CPM: variants seen among roughly 807,000 people sequenced by gnomAD.
CPM encodes the protein renal carboxypeptidase.
CPM carries 35 observed loss-of-function variants against 46.4 expected under a neutral mutation model. The observed-to-expected ratio is 0.75, with a 90% CI of 0.58 to 1.00. The LOEUF (loss-of-function observed/expected upper bound fraction) is 1.00. Ranked by LOEUF, CPM falls within the 50% of genes least tolerant of loss-of-function variation. The pLI is 0.00. For missense variants in CPM, 422 were observed against 530.4 expected, an observed-to-expected ratio of 0.80 and a Z score of 2.01; for synonymous variants, 195 against 195.3, an observed-to-expected ratio of 1.00 and a Z score of 0.01.
chr12:68,961,374 G>A (rs1889108508), intron 1 of CPM, among the ~76,000 whole-genome samples: 1 of 152,118 alleles, frequency 6.6e-6, no homozygotes, highest in African/African-American at 2.4e-5. Context: ...TGAACTCCTG[G>A]GCTCGAGTGG....
chr12:68,905,299 T>A (rs1179475424), intron 2 of CPM, among the ~76,000 whole-genome samples: 1 of 151,848 alleles, frequency 6.6e-6, no homozygotes, highest in African/African-American at 2.4e-5. Flanking sequence ...TCTCTTTTTT[T>A]AAACAGGGTC....
At chr12:68,892,491 G>C (rs975587173) in intron 2 of CPM, among the ~76,000 whole-genome samples, 4 of 152,188 alleles carry the variant, frequency 2.6e-5, no homozygotes, top group African/African-American at 9.7e-5. Flanking sequence ...TGGAGTAGCT[G>C]CACTTCTGGG....
intron 2 of CPM, among the ~76,000 whole-genome samples, chr12:68,900,999 T>C (rs938858122): frequency 6.6e-6 from 1 of 152,210 alleles, no homozygotes; most frequent in Non-Finnish European, 1.5e-5. Flanking sequence ...TTGTAACAAA[T>C]GTACCACTCT....
In CPM at chr12:68,853,019, C is replaced by G. The variant is rs1009485413; in HGVS notation, c.*3418G>C. ...GGGGAAAAGCCGGAAAGGCGTTGGG[C>G]AGGGAGGTGGCTTGGGTACCTGGTT... On this transcript the variant is annotated 3_prime_UTR_variant, in exon 9 of 9. Transcript: ENST00000551568. 1.3e-5 allele frequency: 2 copies of G among 152,298 alleles called. No homozygotes were observed. Among genetic ancestry groups the G allele is most frequent in the Non-Finnish European group, 2.9e-5 (2 of 68,048 alleles). The allele number at this position is 152,298 out of a possible 1,614,324, so 9.4% of individuals were successfully genotyped here. A position where few individuals can be genotyped will look rare whatever the true frequency, so the allele number is the denominator to read the frequency against.
At chr12:68,893,194 G>A (rs1481582873) in intron 2 of CPM, among the ~76,000 whole-genome samples, 1 of 149,578 alleles carries the variant, frequency 6.7e-6, no homozygotes, top group Non-Finnish European at 1.5e-5. Flanking sequence ...GCAAGGGAAG[G>A]AAAGACGTGG....
At chr12:68,848,925 C>G (rs1053500543), downstream of CPM, 1 of 152,050 alleles carries the variant, frequency 6.6e-6, no homozygotes, top group African/African-American at 2.4e-5. Context: ...ATTGGCCAGG[C>G]TGGTCTCGAA....
rs141009230 is a variant in CPM at position 68,858,798 on chromosome 12, CCTTT to C, written c.1089+121_1089+124del. 2.3e-3 allele frequency: 1,074 copies of C among 472,752 alleles called. 11 individuals carry two copies. The highest frequency in any genetic ancestry group is 0.02 in the African/African-American group (995 of 49,128). 29.3% of individuals were successfully genotyped at this position (472,752 alleles called of 1,614,324 possible). On this transcript the variant is annotated intron_variant, in intron 8 of 8. Transcript: ENST00000551568. ...CTGCCAATTGCAAGTCTGACACTAT[CCTTT>C]CTTTCTGTCTCGATGGATCTACTTT...
chr12:68,908,293 A>C (rs757859243), intron 2 of CPM, among the ~76,000 whole-genome samples: 1 of 152,134 alleles, frequency 6.6e-6, no homozygotes, highest in Non-Finnish European at 1.5e-5. Flanking sequence ...TGTATTTCCT[A>C]AGGTGCTGTA....
At chr12:68,879,601 G>A (rs1886101780) in intron 3 of CPM, among the ~76,000 whole-genome samples, 2 of 152,062 alleles carry the variant, frequency 1.3e-5, no homozygotes, top group Admixed American at 6.6e-5. Flanking sequence ...CTGGCCTCAA[G>A]CAATCTCCCC....
At chr12:68,929,654 AT>A (rs1888422675) in intron 2 of CPM, among the ~76,000 whole-genome samples, 1 of 152,238 alleles carries the variant, frequency 6.6e-6, no homozygotes, top group Non-Finnish European at 1.5e-5. Flanking sequence ...AAAATCACCA[AT>A]AATAATAGAA....
Position 68,932,823 on chromosome 12 carries a change from G to T in CPM, c.15C>A (p.Cys5Ter). The T allele has an allele frequency of 6.2e-7, 1 of 1,614,072 alleles. No homozygotes were observed. Among genetic ancestry groups the T allele is most frequent in the Non-Finnish European group, 8.5e-7 (1 of 1,179,978 alleles). The change falls in exon 2 of 9, where the codon TGC becomes TGA. Residue 5 changes from cysteine (C) to a stop codon, truncating the protein, a stop_gained. Transcript: ENST00000551568. LOFTEE classifies it high-confidence loss of function. ...AAGGCAGCAACAGCCCTAGCCAGAGGCACGGGAAGTCCATGTTCTAGAGAT... is the reference window on the plus strand; with the variant it reads ...AAGGCAGCAACAGCCCTAGCCAGAGTCACGGGAAGTCCATGTTCTAGAGAT... MDFP[C>*]LWLGLLLPLV...
chr12:68,864,981 C>T (rs567530003), intron 7 of CPM, among the ~76,000 whole-genome samples: 5 of 152,248 alleles, frequency 3.3e-5, no homozygotes, highest in African/African-American at 1.2e-4. Flanking sequence ...TGCCACTGTA[C>T]TCCAGCCTGG....
intron 2 of CPM, among the ~76,000 whole-genome samples, chr12:68,910,165 G>A (rs891216597): frequency 2.0e-5 from 3 of 151,910 alleles, no homozygotes; most frequent in Non-Finnish European, 4.4e-5. Flanking sequence ...AGCATTCTTC[G>A]AAATATCTAA....
At chr12:68,843,361 AATG>A (rs1003700415) in intron 5 of CPM, 1 of 231,206 alleles carries the variant, frequency 4.3e-6, no homozygotes, top group African/African-American at 2.2e-5. Flanking sequence ...GCTACAAATA[AATG>A]ATATTTGAGC....
intron 2 of CPM, among the ~76,000 whole-genome samples, chr12:68,893,903 C>G (rs2197401): frequency 0.041 from 6,182 of 152,228 alleles, 442 homozygotes; most frequent in African/African-American, 0.14. Context: ...TCTCTCTGGC[C>G]AACCTCTTTG....
chr12:68,938,782 A>G (rs1888711270), intron 1 of CPM, among the ~76,000 whole-genome samples: 1 of 151,552 alleles, frequency 6.6e-6, no homozygotes, highest in Non-Finnish European at 1.5e-5. Context: ...CAGTTCAAAG[A>G]AAGACATGAG....
rs760907426 is a variant in CPM at position 68,886,791 on chromosome 12, C to T, written c.161-902G>A. On this transcript the variant is annotated intron_variant, in intron 2 of 8. Coordinates refer to ENST00000551568, the MANE Select transcript of CPM (RefSeq NM_198320.5). ...TGAGTCCTGTCAGGTGAACTGGGAA[C>T]CACAACCCAAAGAAAGCGTCTAAGT... is the stretch of plus-strand genomic sequence containing the variant. 6.9e-4 allele frequency among the ~76,000 whole-genome samples: 105 copies of T among 152,174 alleles called. 1 individual carries two copies. Among genetic ancestry groups the T allele is most frequent in the Non-Finnish European group, 1.3e-3 (91 of 68,022 alleles).
chr12:68,923,697 G>A (rs1888133335), intron 2 of CPM, among the ~76,000 whole-genome samples: 1 of 152,106 alleles, frequency 6.6e-6, no homozygotes, highest in African/African-American at 2.4e-5. Context: ...GCAATAACTT[G>A]GGTACTCCAC....
At chr12:68,843,350 T>C (rs1883972612) in intron 5 of CPM, 1 of 230,942 alleles carries the variant, frequency 4.3e-6, no homozygotes, top group Non-Finnish European at 8.6e-6. Context: ...TGAATGTTCT[T>C]GCTACAAATA....
Sources: allele counts gnomAD v4.1 joint callset (sites outside exome capture counted in the v4.1 genomes callset), GRCh38; gene constraint gnomAD v4.1.1; transcripts MANE v1.5; gene names NCBI Gene and HGNC (gene_info 2026-07-23, HGNC 2026-07-21).